ABTB3: variants seen among roughly 807,000 people sequenced by gnomAD.
The protein encoded by ABTB3 is ankyrin repeat- and BTB/POZ domain-containing protein 3.
the ABTB3 span, among the ~76,000 whole-genome samples, chr12:107,564,687 T>G: frequency 6.6e-6 from 1 of 152,206 alleles, no homozygotes; most frequent in South Asian, 2.1e-4. Flanking sequence ...TCTCCTGTCC[T>G]GGGTATTAAA....
At chr12:107,564,086 C>CTG in the ABTB3 span, among the ~76,000 whole-genome samples, 5 of 107,778 alleles carry the variant, frequency 4.6e-5, no homozygotes, top group South Asian at 3.1e-4. Context: ...CTCTATCTAT[C>CTG]TCTCTGTGTG....
chr12:107,533,459 C>G, the ABTB3 span, among the ~76,000 whole-genome samples: 1 of 152,032 alleles, frequency 6.6e-6, no homozygotes, highest in African/African-American at 2.4e-5. Flanking sequence ...AAACCAAAAG[C>G]ATACAACAGT....
the ABTB3 span, among the ~76,000 whole-genome samples, chr12:107,463,332 G>A: frequency 1.3e-5 from 2 of 151,702 alleles, no homozygotes; most frequent in Admixed American, 6.6e-5. Context: ...GGGTGATGGT[G>A]GTTGATGATG....
chr12:107,406,531 C>A, the ABTB3 span, among the ~76,000 whole-genome samples: 2 of 152,068 alleles, frequency 1.3e-5, no homozygotes, highest in East Asian at 3.9e-4. Context: ...AGCCCAGGAA[C>A]CTCACCATGC....
chr12:107,392,342 T>C, the ABTB3 span, among the ~76,000 whole-genome samples: 1 of 152,140 alleles, frequency 6.6e-6, no homozygotes, highest in Non-Finnish European at 1.5e-5. Flanking sequence ...CTCTCTTAAC[T>C]GTTCCTGGGG....
the ABTB3 span, among the ~76,000 whole-genome samples, chr12:107,507,367 A>G: frequency 6.6e-6 from 1 of 152,116 alleles, no homozygotes; most frequent in Non-Finnish European, 1.5e-5. Context: ...GAGATCTGAG[A>G]GGCCAGGAAT....
At chr12:107,602,212 A>G in the ABTB3 span, among the ~76,000 whole-genome samples, 6 of 152,216 alleles carry the variant, frequency 3.9e-5, no homozygotes, top group African/African-American at 9.6e-5. Flanking sequence ...ACCCTCTGCT[A>G]TCACTCACAA....
At chr12:107,360,048 G>A in the ABTB3 span, among the ~76,000 whole-genome samples, 2 of 152,084 alleles carry the variant, frequency 1.3e-5, no homozygotes, top group Non-Finnish European at 2.9e-5. Flanking sequence ...AACTTATGCT[G>A]AGTTATAAAA....
the ABTB3 span, among the ~76,000 whole-genome samples, chr12:107,645,509 TC>T: frequency 6.6e-6 from 1 of 152,062 alleles, no homozygotes; most frequent in Non-Finnish European, 1.5e-5. Context: ...CCAGACCTGT[TC>T]TCTTAAATCC....
the ABTB3 span, among the ~76,000 whole-genome samples, chr12:107,475,477 C>T: frequency 6.6e-6 from 1 of 152,200 alleles, no homozygotes; most frequent in African/African-American, 2.4e-5. Context: ...ATAGCAGCCT[C>T]CTGCCTGGTG....
the ABTB3 span, chr12:107,618,371 G>C: frequency 2.3e-5 from 37 of 1,611,996 alleles, no homozygotes; most frequent in Non-Finnish European, 3.1e-5. Flanking sequence ...TTGATATCAG[G>C]AGCATAGGTC....
chr12:107,576,733 T>C, the ABTB3 span, among the ~76,000 whole-genome samples: 1 of 152,136 alleles, frequency 6.6e-6, no homozygotes, highest in Admixed American at 6.5e-5. Context: ...CCCATGGATG[T>C]CCTCACTCCT....
chr12:107,416,614 C>T, the ABTB3 span, among the ~76,000 whole-genome samples: 1 of 152,056 alleles, frequency 6.6e-6, no homozygotes, highest in Non-Finnish European at 1.5e-5. Flanking sequence ...GTTGTCTGGC[C>T]CTGTCGGTGT....
the ABTB3 span, chr12:107,619,978 C>T: frequency 1.1e-5 from 18 of 1,597,450 alleles, no homozygotes; most frequent in South Asian, 2.3e-5. Flanking sequence ...CTCCTCTCCC[C>T]GCTCCAGGCG....
chr12:107,516,521 C>G, the ABTB3 span, among the ~76,000 whole-genome samples: 1 of 152,144 alleles, frequency 6.6e-6, no homozygotes, highest in Non-Finnish European at 1.5e-5. Context: ...CGTGAGACAC[C>G]ACACCCGGCC....
the ABTB3 span, among the ~76,000 whole-genome samples, chr12:107,383,970 G>T: frequency 6.6e-6 from 1 of 152,114 alleles, no homozygotes; most frequent in Admixed American, 6.5e-5. Flanking sequence ...GGCTCCAAGC[G>T]CCCAGGTGTG....
chr12:107,550,619 C>G, the ABTB3 span, among the ~76,000 whole-genome samples: 1 of 144,668 alleles, frequency 6.9e-6, no homozygotes, highest in African/African-American at 2.6e-5. Flanking sequence ...CTCAATCTGT[C>G]ACCCAGGTTG....
chr12:107,441,497 A>G, the ABTB3 span, among the ~76,000 whole-genome samples: 1 of 152,184 alleles, frequency 6.6e-6, no homozygotes, highest in Non-Finnish European at 1.5e-5. Context: ...CAGGAAAAAT[A>G]GCTAATGCAT....
At chr12:107,580,145 G>A in the ABTB3 span, among the ~76,000 whole-genome samples, 6 of 152,174 alleles carry the variant, frequency 3.9e-5, no homozygotes, top group African/African-American at 1.4e-4. Flanking sequence ...CCAGCAGTCC[G>A]TATTTTAACA....
Sources: gnomAD v4.1 joint callset for allele counts (sites outside exome capture counted in the v4.1 genomes callset) on GRCh38, gnomAD v4.1.1 for gene constraint, MANE v1.5 for transcripts, NCBI Gene and HGNC (gene_info 2026-07-23, HGNC 2026-07-21) for gene names.